The following ANKRD28 variants were observed in gnomAD, a reference collection of about 807,000 sequenced individuals.
ANKRD28 encodes the protein ankyrin repeat domain 28, also known as serine/threonine-protein phosphatase 6 regulatory ankyrin repeat subunit A.
ANKRD28 carries 44 observed loss-of-function variants against 126.5 expected under a neutral mutation model. The observed-to-expected ratio is 0.35, with a 90% CI of 0.27 to 0.45. ANKRD28 has a LOEUF of 0.45. Among genes scored for constraint, ANKRD28 ranks in the 20% least tolerant of loss-of-function variants. The pLI, the probability that ANKRD28 is intolerant of heterozygous loss-of-function variation, is 1.00. For synonymous variants in ANKRD28, 442 were observed against 468.5 expected, an observed-to-expected ratio of 0.94 and a Z score of 0.73; for missense variants, 1,110 against 1,316.6, an observed-to-expected ratio of 0.84 and a Z score of 2.43.
chr3:15,777,065 G>A (rs2059306182), intron 2 of ANKRD28, among the ~76,000 whole-genome samples: 1 of 152,094 alleles, frequency 6.6e-6, no homozygotes, highest in African/African-American at 2.4e-5. Context: ...CACAAGGTCA[G>A]GAGATCGAGA....
intron 1 of ANKRD28, among the ~76,000 whole-genome samples, chr3:15,825,289 T>C (rs1049215153): frequency 1.3e-5 from 2 of 152,244 alleles, no homozygotes; most frequent in African/African-American, 4.8e-5. Flanking sequence ...GAAGCAGCTG[T>C]TGCATTAAGA....
At chr3:15,786,740 TACCATATA>T (rs1414625003) in intron 2 of ANKRD28, among the ~76,000 whole-genome samples, 1 of 152,112 alleles carries the variant, frequency 6.6e-6, no homozygotes, top group East Asian at 1.9e-4. Flanking sequence ...ATTTTTGCTA[TACCATATA>T]ACTATCAACA....
At chr3:15,711,955 CA>C (rs778897377) in intron 11 of ANKRD28, among the ~76,000 whole-genome samples, 184 bp downstream of exon 11, 20 of 152,170 alleles carry the variant, frequency 1.3e-4, no homozygotes, top group Non-Finnish European at 2.5e-4. Context: ...CTCGGCCTCC[CA>C]AAGTGCTGGG....
At chr3:15,696,870 A>C (rs544404122) in intron 14 of ANKRD28, among the ~76,000 whole-genome samples, 1 of 152,286 alleles carries the variant, frequency 6.6e-6, no homozygotes, top group East Asian at 1.9e-4. Context: ...ACTATGGAAA[A>C]CTGTATGGAG....
rs1159093621 is a variant in ANKRD28 at position 15,765,830 on chromosome 3, T to C, written c.280+404A>G. Among the ~76,000 whole-genome samples the C allele has an allele frequency of 5.5e-5, 7 of 126,376 alleles. No homozygotes were observed. In the Admixed American group the frequency reaches 6.4e-4, roughly 12 times the overall value. The allele number at this position is 126,376 out of a possible 152,430, so 82.9% of individuals were successfully genotyped here. On this transcript the variant is annotated intron_variant, in intron 3 of 27. Coordinates refer to ENST00000683139, the MANE Select transcript of ANKRD28 (RefSeq NM_001349278.2). Reference sequence around the variant, plus strand: ...ACCCTGGCAACAGAGCGAGACTCCATCTCAAAAACCAAAAACCAAAAAAAA... The same window carrying C: ...ACCCTGGCAACAGAGCGAGACTCCACCTCAAAAACCAAAAACCAAAAAAAA...
At chr3:15,680,093 T>C (rs1034797483) in intron 21 of ANKRD28, among the ~76,000 whole-genome samples, 1 of 152,148 alleles carries the variant, frequency 6.6e-6, no homozygotes, top group African/African-American at 2.4e-5. Context: ...AAACGAGAAA[T>C]GACTGTGCTA....
chr3:15,818,067 T>C (rs189013302), intron 1 of ANKRD28, among the ~76,000 whole-genome samples: 15 of 152,296 alleles, frequency 9.8e-5, no homozygotes, highest in Admixed American at 5.2e-4. Flanking sequence ...AGATTATGTA[T>C]GCTGAAAATC....
At position 15,733,716 on chromosome 3, in the gene ANKRD28, A is replaced by G. The variant is rs916070585; in HGVS notation, c.640+1694T>C. Among the ~76,000 whole-genome samples, 30 of 152,232 alleles carry G rather than the reference A, an allele frequency of 2.0e-4. 4 individuals are homozygous for G. Among genetic ancestry groups the G allele is most frequent in the Admixed American group, 7.8e-4 (12 of 15,296 alleles). ...GTTGACACCTTATTTTAAATGTTTT[A>G]TTGGTAATGAGAGTGGGTTTTGTAC... On this transcript the variant is annotated intron_variant, in intron 6 of 27. Coordinates refer to ENST00000683139, the MANE Select transcript of ANKRD28 (RefSeq NM_001349278.2).
At position 15,670,236 on chromosome 3, in the gene ANKRD28, G is replaced by A. The variant is rs1386645388; in HGVS notation, c.*34C>T. The A allele has an allele frequency of 2.5e-6, 4 of 1,601,720 alleles. No individual in the cohort carries two copies. Among genetic ancestry groups the A allele is most frequent in the Non-Finnish European group, 2.6e-6 (3 of 1,171,026 alleles). ...TTTTCCTGAAAAAGCACAGTTTGAAGCTTTACTGTGAGAACTCCCTCCTCC... is the reference window on the plus strand; with the variant it reads ...TTTTCCTGAAAAAGCACAGTTTGAAACTTTACTGTGAGAACTCCCTCCTCC... On this transcript the variant is annotated 3_prime_UTR_variant, in exon 28 of 28. Coordinates refer to ENST00000683139, the MANE Select transcript of ANKRD28 (RefSeq NM_001349278.2).
chr3:15,751,281 C>T lies in ANKRD28; in HGVS notation c.351+469G>A, dbSNP rs1170803258. 2.0e-5 allele frequency among the ~76,000 whole-genome samples: 3 copies of T among 152,142 alleles called. No individual in the cohort carries two copies. In the East Asian group the frequency reaches 5.8e-4, roughly 29 times the overall value. On this transcript the variant is annotated intron_variant, in intron 4 of 27. Transcript: ENST00000683139. ...AGAAGGAACTATTCTTCCTTGTAAT[C>T]CCTCTCAAACATTTTAAAGTTATAT...
chr3:15,680,529 T>C (rs1193145558), intron 21 of ANKRD28, among the ~76,000 whole-genome samples: 1 of 152,116 alleles, frequency 6.6e-6, no homozygotes. Flanking sequence ...TTTAATGTTC[T>C]GAAGAGCTTC....
chr3:15,677,081 A>G, intron 25 of ANKRD28, 25 bp from the exon 26 acceptor site: 1 of 1,589,404 alleles, frequency 6.3e-7, no homozygotes, highest in Non-Finnish European at 8.6e-7. Flanking sequence ...GATAAGTTAT[A>G]AAAACTTGAG....
In ANKRD28 at chr3:15,843,860, T is replaced by C. The variant is rs189456093; in HGVS notation, c.27+15517A>G. On this transcript the variant is annotated intron_variant, in intron 1 of 27. Transcript: ENST00000399451. The surrounding 1 kb of genome is among the most constrained non-coding windows in gnomAD (Gnocchi z 5.2). ...ATCAATACGAAAGCAATGGGCAAGT[T>C]GCAAGAGGCAGAAGATGGAGATGAA... 9.1e-4 allele frequency among the ~76,000 whole-genome samples: 139 copies of C among 152,044 alleles called. No individual in the cohort carries two copies. Among genetic ancestry groups the C allele is most frequent in the South Asian group, 5.2e-3 (25 of 4,808 alleles).
At chr3:15,735,325 C>T (rs1342272254) in intron 6 of ANKRD28, 85 bp downstream of exon 6, 2 of 1,135,618 alleles carry the variant, frequency 1.8e-6, no homozygotes, top group Non-Finnish European at 2.5e-6. Context: ...CCCTTAAAGA[C>T]AAATGCTATA....
Position 15,833,737 on chromosome 3 carries a change from T to C in ANKRD28, c.27+25640A>G, listed in dbSNP as rs1310906249. On this transcript the variant is annotated intron_variant, in intron 1 of 27. Transcript: ENST00000399451. The surrounding 1 kb of genome is among the most constrained non-coding windows in gnomAD (Gnocchi z 4.4). ...GCAATTATGAGTGAAAAATCAGAAC[T>C]TGGCAATGACCTTGAGCAGTAGGAT... Among the ~76,000 whole-genome samples, 1 of 151,920 alleles carries C rather than the reference T, an allele frequency of 6.6e-6. No homozygotes were observed. Among genetic ancestry groups the C allele is most frequent in the African/African-American group, 2.4e-5 (1 of 41,390 alleles).
At chr3:15,782,631 T>C (rs1291522777) in intron 2 of ANKRD28, among the ~76,000 whole-genome samples, 1 of 152,026 alleles carries the variant, frequency 6.6e-6, no homozygotes. Context: ...CAGGGAAAAA[T>C]GCCATACTCA....
chr3:15,673,329 T>A (rs1240233623), intron 27 of ANKRD28, among the ~76,000 whole-genome samples: 3 of 152,230 alleles, frequency 2.0e-5, no homozygotes, highest in Admixed American at 2.0e-4. Context: ...ATGTCTTATT[T>A]TACACTATAT....
chr3:15,725,311 TA>T (rs2074071306), intron 6 of ANKRD28, among the ~76,000 whole-genome samples: 1 of 152,208 alleles, frequency 6.6e-6, no homozygotes, highest in Non-Finnish European at 1.5e-5. Flanking sequence ...ACTAATACCC[TA>T]AGGATAACAA....
chr3:15,701,554 G>A (rs1314661012), intron 14 of ANKRD28, among the ~76,000 whole-genome samples: 2 of 152,108 alleles, frequency 1.3e-5, no homozygotes, highest in Non-Finnish European at 2.9e-5. Flanking sequence ...TGAGGCAGGA[G>A]AATCACTTGA....
Sources: allele counts gnomAD v4.1 joint callset (sites outside exome capture counted in the v4.1 genomes callset), GRCh38; gene constraint gnomAD v4.1.1; non-coding constraint Gnocchi (gnomAD v3.1); transcripts MANE v1.5; gene names NCBI Gene and HGNC (gene_info 2026-07-23, HGNC 2026-07-21).